The following EZH2 variants were observed in gnomAD, a reference collection of about 807,000 sequenced individuals.
EZH2 encodes histone-lysine N-methyltransferase EZH2.
EZH2 carries 18 observed loss-of-function variants against 98.4 expected under a neutral mutation model. That is an observed-to-expected ratio of 0.18 (90% CI 0.13 to 0.27). EZH2 has a LOEUF of 0.27. Ranked by LOEUF, EZH2 falls within the 10% of genes least tolerant of loss-of-function variation. EZH2 has a pLI of 1.00. For missense variants in EZH2, 470 were observed against 935.1 expected, an observed-to-expected ratio of 0.50 and a Z score of 6.49; for synonymous variants, 338 against 312.3, an observed-to-expected ratio of 1.08 and a Z score of -0.87.
chr7:148,851,848 G>A (rs886571188), intron 1 of EZH2, among the ~76,000 whole-genome samples: 1 of 152,158 alleles, frequency 6.6e-6, no homozygotes, highest in African/African-American at 2.4e-5. Context: ...TCCAGCCTAG[G>A]TGACAGAGCG....
chr7:148,827,016 C>G (rs1807903687), intron 7 of EZH2, 148 bp downstream of exon 7: 2 of 593,078 alleles, frequency 3.4e-6, no homozygotes, highest in Admixed American at 5.7e-5. Flanking sequence ...CAGAGTACCA[C>G]AAGTACACAT....
chr7:148,881,394 A>C (rs1426801277), intron 1 of EZH2, among the ~76,000 whole-genome samples: 1 of 152,214 alleles, frequency 6.6e-6, no homozygotes, highest in Non-Finnish European at 1.5e-5. Context: ...ATATTCACTT[A>C]AATGTATTTG....
intron 3 of EZH2, among the ~76,000 whole-genome samples, chr7:148,843,707 T>C (rs1416630101): frequency 6.9e-6 from 1 of 145,908 alleles, no homozygotes; most frequent in Non-Finnish European, 1.5e-5. Flanking sequence ...GCCATTCTCC[T>C]GCCTCAGCCT....
chr7:148,874,404 A>G (rs74427221), intron 1 of EZH2, among the ~76,000 whole-genome samples: 1 of 148,774 alleles, frequency 6.7e-6, no homozygotes, highest in South Asian at 2.1e-4. Flanking sequence ...AAAAGCAAAG[A>G]AAAAAAAAAC....
At chr7:148,876,631 A>T (rs756454930) in intron 1 of EZH2, among the ~76,000 whole-genome samples, 1 of 152,240 alleles carries the variant, frequency 6.6e-6, no homozygotes, top group Non-Finnish European at 1.5e-5. Flanking sequence ...AATGTCAATC[A>T]CAACAGATTG....
At chr7:148,875,849 G>A (rs1472466109) in intron 1 of EZH2, among the ~76,000 whole-genome samples, 1 of 152,160 alleles carries the variant, frequency 6.6e-6, no homozygotes. Context: ...TGCCTACAAT[G>A]GAATATTAAT....
At chr7:148,810,681 T>A (rs1004448277) in intron 16 of EZH2, among the ~76,000 whole-genome samples, 2 of 152,130 alleles carry the variant, frequency 1.3e-5, no homozygotes, top group East Asian at 1.9e-4. Context: ...CTGAGTTTTT[T>A]AAAAAAGCCG....
intron 7 of EZH2, 111 bp downstream of exon 7, chr7:148,827,053 G>T: frequency 1.3e-6 from 1 of 764,372 alleles, no homozygotes. Flanking sequence ...TGCAAACACT[G>T]TAAACAAAGT....
At chr7:148,814,513 T>C (rs1328329748) in intron 14 of EZH2, among the ~76,000 whole-genome samples, 5 of 152,176 alleles carry the variant, frequency 3.3e-5, no homozygotes, top group Non-Finnish European at 7.3e-5. Flanking sequence ...AAAAATCTAC[T>C]ATGTTTATGC....
chr7:148,879,309 GGGA>G (rs1425263647), intron 1 of EZH2, among the ~76,000 whole-genome samples: 47 of 152,128 alleles, frequency 3.1e-4, no homozygotes, highest in Non-Finnish European at 1.2e-4. Context: ...CCACCACTTT[GGGA>G]GGACGAGGCA....
At chr7:148,857,515 G>A (rs1379892893) in intron 1 of EZH2, among the ~76,000 whole-genome samples, 1 of 152,172 alleles carries the variant, frequency 6.6e-6, no homozygotes, top group Non-Finnish European at 1.5e-5. Flanking sequence ...ACTTTGGGAG[G>A]CTGAGGCAGG....
intron 17 of EZH2, 24 bp downstream of exon 17, chr7:148,810,309 C>T (rs2129468211): frequency 6.4e-7 from 1 of 1,574,730 alleles, no homozygotes; most frequent in Non-Finnish European, 8.7e-7. Flanking sequence ...CAGGAACTCA[C>T]TGCCTCCCAG....
intron 1 of EZH2, among the ~76,000 whole-genome samples, chr7:148,866,226 C>T (rs986648158): frequency 6.6e-6 from 1 of 152,032 alleles, no homozygotes; most frequent in African/African-American, 2.4e-5. Context: ...ATTGATGAGA[C>T]TTGTCAGTAT....
chr7:148,835,918 A>T (rs142715794), intron 3 of EZH2, among the ~76,000 whole-genome samples: 2 of 152,310 alleles, frequency 1.3e-5, no homozygotes, highest in African/African-American at 4.8e-5. Flanking sequence ...AAGTCAGCTG[A>T]TTTTTCCCAT....
chr7:148,854,215 A>G (rs968293034), intron 1 of EZH2, among the ~76,000 whole-genome samples: 20 of 152,236 alleles, frequency 1.3e-4, no homozygotes, highest in African/African-American at 4.6e-4. Flanking sequence ...GGAGGCCAAG[A>G]TGGGCAGATC....
Position 148,827,263 on chromosome 7 carries a change from TTATC to T in EZH2, c.626-1_628del. 6.2e-7 allele frequency: 1 copy of T among 1,612,084 alleles called. No individual in the cohort carries two copies. The highest frequency in any genetic ancestry group is 8.5e-7 in the Non-Finnish European group (1 of 1,178,768). Reference sequence around the variant, plus strand: ...AAATTTCCGAGGTGGGCGGCTTTCTTTATCTAAACAGGAGAATATGAAAGGAAAA... The same window carrying T: ...AAATTTCCGAGGTGGGCGGCTTTCTTTAAACAGGAGAATATGAAAGGAAAA... On this transcript the variant is annotated splice_acceptor_variant and coding_sequence_variant, in exon 7 of 20. Coordinates refer to ENST00000320356, the MANE Select transcript of EZH2 (RefSeq NM_004456.5). LOFTEE classifies it high-confidence loss of function.
chr7:148,858,057 C>T (rs2129487685), intron 1 of EZH2, among the ~76,000 whole-genome samples: 1 of 151,472 alleles, frequency 6.6e-6, no homozygotes, highest in Non-Finnish European at 1.5e-5. Context: ...CTTTGGGAGG[C>T]CAAGGCAGGC....
At position 148,829,862 on chromosome 7, in the gene EZH2, A is replaced by T. The variant is rs778048238; in HGVS notation, c.364-14T>A. Reference sequence around the variant, plus strand: ...TTCATCTTCCACCTAAAAGAAAAAAATATATTTAAAAAGCAGGTTTACTCT... The same window carrying T: ...TTCATCTTCCACCTAAAAGAAAAAATTATATTTAAAAAGCAGGTTTACTCT... On this transcript the variant is annotated splice_polypyrimidine_tract_variant and intron_variant, in intron 4 of 19. Transcript: ENST00000320356. The T allele has an allele frequency of 6.5e-7, 1 of 1,533,564 alleles. No individual in the cohort carries two copies. The allele number at this position is 1,533,564 out of a possible 1,614,324, so 95.0% of individuals were successfully genotyped here.
Position 148,816,771 on chromosome 7 carries a change from T to C in EZH2, c.1418A>G (p.Glu473Gly), listed in dbSNP as rs1431254558. The change falls in exon 12 of 20, where the codon GAG (glutamate) becomes GGG (glycine). Residue 473 changes from glutamate (E) to glycine (G), a missense_variant. Physicochemically the swap from Glu to Gly is moderately conservative, Grantham distance 98. Coordinates refer to ENST00000320356, the MANE Select transcript of EZH2 (RefSeq NM_004456.5). ...IGTKTCRQVY[E>G]FRVKESSIIA... ...GATGCTAGATTCTTTGACTCTAAAC[T>C]CATACACCTGACAAGAGGCACAGTC... The C allele has an allele frequency of 2.5e-6, 4 of 1,613,264 alleles. No homozygotes were observed. Among genetic ancestry groups the C allele is most frequent in the Non-Finnish European group, 3.4e-6 (4 of 1,179,328 alleles).
Sources: allele counts gnomAD v4.1 joint callset (sites outside exome capture counted in the v4.1 genomes callset), GRCh38; gene constraint gnomAD v4.1.1; transcripts MANE v1.5; gene names NCBI Gene and HGNC (gene_info 2026-07-23, HGNC 2026-07-21).